UTRN: variants seen among roughly 807,000 people sequenced by gnomAD.
The protein encoded by UTRN is utrophin, also known as dystrophin-related protein 1.
In UTRN, 283 loss-of-function variants were observed where a neutral mutation model predicts 463.9. The observed-to-expected ratio is 0.61, with a 90% CI of 0.55 to 0.67. UTRN has a LOEUF of 0.67. Ranked by LOEUF, UTRN falls within the 30% of genes least tolerant of loss-of-function variation. The pLI, the probability that UTRN is intolerant of heterozygous loss-of-function variation, is 0.00. For missense variants in UTRN, 3,922 were observed against 4,084.3 expected, an observed-to-expected ratio of 0.96 and a Z score of 1.08; for synonymous variants, 1,442 against 1,431.5, an observed-to-expected ratio of 1.01 and a Z score of -0.17.
At chr6:144,319,312 CT>C (rs1371623162) in intron 2 of UTRN, among the ~76,000 whole-genome samples, 3 of 152,210 alleles carry the variant, frequency 2.0e-5, no homozygotes, top group Non-Finnish European at 2.9e-5. Flanking sequence ...ACTTTCTGTA[CT>C]TGTGTGTTGC....
At position 144,437,651 on chromosome 6, in the gene UTRN, G is replaced by T. The variant is rs1384976819; in HGVS notation, c.1146G>T (p.Leu382=). ...ACCAACTGATAACACAAGGAACTCT[G>T]TCAGACGAAGAAGAATTTGAGATTC... The part of the protein sequence containing the change: ...AGNQLITQGT[L]SDEEEFEIQE... Residue 382 remains leucine, a synonymous_variant, in exon 11 of 75, where the codon CTG becomes CTT. Coordinates refer to ENST00000367545, the MANE Select transcript of UTRN (RefSeq NM_007124.3). 1 of 1,614,156 alleles carries T rather than the reference G, an allele frequency of 6.2e-7. No homozygotes were observed. Among genetic ancestry groups the T allele is most frequent in the Non-Finnish European group, 8.5e-7 (1 of 1,180,038 alleles).
At chr6:144,733,440 C>G (rs1045387853) in intron 54 of UTRN, among the ~76,000 whole-genome samples, 1 of 151,146 alleles carries the variant, frequency 6.6e-6, no homozygotes, top group African/African-American at 2.4e-5. Context: ...TCGCTTGAAC[C>G]CGGGAGGCAG....
intron 52 of UTRN, among the ~76,000 whole-genome samples, chr6:144,680,838 T>C (rs1482581632): frequency 6.6e-6 from 1 of 152,102 alleles, no homozygotes; most frequent in African/African-American, 2.4e-5. Context: ...GATATGAAAA[T>C]CAATACATTA....
chr6:144,777,976 C>T (rs894366067), intron 60 of UTRN, among the ~76,000 whole-genome samples: 3 of 152,066 alleles, frequency 2.0e-5, no homozygotes, highest in South Asian at 2.1e-4. Context: ...AAATTCCTTT[C>T]GGTTTTTTTC....
chr6:144,437,410 TA>T (rs2114892404), intron 10 of UTRN, among the ~76,000 whole-genome samples, 154 bp from the exon 11 acceptor site: 1 of 152,314 alleles, frequency 6.6e-6, no homozygotes, highest in Non-Finnish European at 1.5e-5. Flanking sequence ...TTTCAGAGAT[TA>T]AAAAATGTGG....
chr6:144,748,296 C>G lies in UTRN; in HGVS notation c.7990C>G (p.Gln2664Glu), dbSNP rs1272361961. 6.2e-7 allele frequency: 1 copy of G among 1,613,156 alleles called. No homozygotes were observed. The highest frequency in any genetic ancestry group is 1.7e-5 in the Admixed American group (1 of 59,982). Residue 2664 changes from glutamine (Q) to glutamate (E), a missense_variant, in exon 55 of 75, where the codon CAG becomes GAG. Physicochemically the swap from Gln to Glu is conservative, Grantham distance 29 (BLOSUM62 2). Transcript: ENST00000367545. ...AQKIAKAMRK[Q>E]SSEVKEKWES... ...AAAGATTGCCAAAGCCATGCGCAAA[C>G]AGTCTTCTGAAGTCAAAGAAAAATG...
At chr6:144,625,867 T>C (rs1034737829) in intron 51 of UTRN, among the ~76,000 whole-genome samples, 2 of 152,208 alleles carry the variant, frequency 1.3e-5, no homozygotes, top group African/African-American at 4.8e-5. Flanking sequence ...CAAATGATGT[T>C]TAATTGTTTT....
intron 63 of UTRN, among the ~76,000 whole-genome samples, chr6:144,797,526 A>G (rs1208514706): frequency 6.6e-6 from 1 of 152,236 alleles, no homozygotes; most frequent in African/African-American, 2.4e-5. Context: ...TTATGTAAAA[A>G]GATGACTTTA....
chr6:144,561,088 C>A, intron 50 of UTRN, among the ~76,000 whole-genome samples: 1 of 149,856 alleles, frequency 6.7e-6, no homozygotes, highest in African/African-American at 2.5e-5. Context: ...TTTCTAGTGC[C>A]AGTTGAGATA....
intron 34 of UTRN, among the ~76,000 whole-genome samples, chr6:144,504,043 A>T (rs543242895): frequency 6.8e-6 from 1 of 148,040 alleles, no homozygotes; most frequent in East Asian, 2.0e-4. Flanking sequence ...TTGGCTCTCT[A>T]TTATTGGTGT....
intron 46 of UTRN, among the ~76,000 whole-genome samples, chr6:144,543,160 G>A (rs1316500206): frequency 2.6e-5 from 4 of 152,154 alleles, no homozygotes; most frequent in African/African-American, 9.7e-5. Context: ...GAGGCTAGGT[G>A]CAAAAACTGG....
chr6:144,479,124 T>TG (rs1791574426), intron 25 of UTRN, among the ~76,000 whole-genome samples: 1 of 147,552 alleles, frequency 6.8e-6, no homozygotes, highest in African/African-American at 2.5e-5. Context: ...GTTTTTTTTT[T>TG]TTTTTTTTTT....
chr6:144,591,703 T>C (rs771090150), intron 51 of UTRN, among the ~76,000 whole-genome samples: 1 of 152,102 alleles, frequency 6.6e-6, no homozygotes, highest in East Asian at 1.9e-4. Context: ...TTAAGAATTA[T>C]GCTTTTTGGT....
intron 58 of UTRN, among the ~76,000 whole-genome samples, chr6:144,766,304 G>A (rs758716821): frequency 2.6e-5 from 4 of 151,850 alleles, no homozygotes; most frequent in Non-Finnish European, 5.9e-5. Flanking sequence ...TCAAATAAAT[G>A]TTGTCATATC....
At chr6:144,491,766 TGTAA>T (rs749152946) in intron 32 of UTRN, among the ~76,000 whole-genome samples, 8 of 152,296 alleles carry the variant, frequency 5.3e-5, no homozygotes, top group Non-Finnish European at 7.4e-5. Context: ...TGTGCATGTA[TGTAA>T]GTATTTATTT....
intron 33 of UTRN, among the ~76,000 whole-genome samples, chr6:144,496,055 A>G (rs1043909704): frequency 6.6e-6 from 1 of 152,132 alleles, no homozygotes; most frequent in East Asian, 1.9e-4. Flanking sequence ...AATATCTCTA[A>G]TTTGGGCATT....
intron 21 of UTRN, among the ~76,000 whole-genome samples, chr6:144,460,227 G>T (rs1277248386): frequency 6.6e-6 from 1 of 152,104 alleles, no homozygotes; most frequent in Non-Finnish European, 1.5e-5. Flanking sequence ...ACTTGGTTTT[G>T]GAAGGTTCAC....
rs574506089 is a variant in UTRN at position 144,361,802 on chromosome 6, C to T, written c.80-41321C>T. Among the ~76,000 whole-genome samples the T allele has an allele frequency of 9.7e-5, 14 of 144,392 alleles. No homozygotes were observed. The East Asian group carries it at 1.6e-3, about 16-fold the overall frequency. 94.7% of individuals were successfully genotyped at this position (144,392 alleles called of 152,430 possible). Reference sequence around the variant, plus strand: ...TTTTTTTTTTGTAGAGATGGGGTCTCGCTATGTTGCCCAGGCTGGTCTTGA... The same window carrying T: ...TTTTTTTTTTGTAGAGATGGGGTCTTGCTATGTTGCCCAGGCTGGTCTTGA... On this transcript the variant is annotated intron_variant, in intron 2 of 74. Coordinates refer to ENST00000367545, the MANE Select transcript of UTRN (RefSeq NM_007124.3).
intron 52 of UTRN, among the ~76,000 whole-genome samples, chr6:144,684,114 A>G (rs1262554196): frequency 6.7e-6 from 1 of 148,964 alleles, no homozygotes; most frequent in Admixed American, 6.7e-5. Context: ...CAGTGGCACG[A>G]TCTTGGCTCA....
Sources: allele counts gnomAD v4.1 joint callset (sites outside exome capture counted in the v4.1 genomes callset), GRCh38; gene constraint gnomAD v4.1.1; transcripts MANE v1.5; gene names NCBI Gene and HGNC (gene_info 2026-07-23, HGNC 2026-07-21).